The following UNC13C variants were observed in gnomAD, a reference collection of about 807,000 sequenced individuals.
UNC13C encodes protein unc-13 homolog C.
Under a neutral mutation model 245.4 loss-of-function variants are expected in UNC13C, and 174 were observed. That is an observed-to-expected ratio of 0.71 (90% confidence interval 0.63 to 0.80). The LOEUF (loss-of-function observed/expected upper bound fraction) is 0.80, where lower values mean the gene tolerates loss of function less well. UNC13C is among the 30% of genes least tolerant of loss of function. The pLI, the probability that UNC13C is intolerant of heterozygous loss-of-function variation, is 0.00. For synonymous variants in UNC13C, 992 were observed against 895.1 expected (o/e 1.11, Z -1.93); for missense variants, 2,829 against 2,602.9 (o/e 1.09, Z -1.89).
chr15:53,843,594 A>C, the UNC13C span, among the ~76,000 whole-genome samples: 1 of 152,052 alleles, frequency 6.6e-6, no homozygotes, highest in Non-Finnish European at 1.5e-5. Flanking sequence ...GGGTGAGAAA[A>C]GGACCAAGGC....
intron 30 of UNC13C, among the ~76,000 whole-genome samples, chr15:54,596,153 C>T (rs1899070101): frequency 6.6e-6 from 1 of 152,124 alleles, no homozygotes; most frequent in Admixed American, 6.6e-5. Flanking sequence ...GAGGTTCAAA[C>T]CAGAAATGTG....
Position 54,015,142 on chromosome 15 carries a change from A to G in UNC13C, c.2239A>G (p.Asn747Asp). 6.2e-7 allele frequency: 1 copy of G among 1,612,418 alleles called. No individual in the cohort carries two copies. Among genetic ancestry groups the G allele is most frequent in the Non-Finnish European group, 8.5e-7 (1 of 1,179,196 alleles). ...TGATTCTTATCAGGGAGCTAATTCT[A>G]ATGAGCTATACCAAAATCAAAACCA... is the stretch of plus-strand genomic sequence containing the variant. ...QYDSYQGANS[N>D]ELYQNQNQLS... Residue 747 changes from asparagine (N) to aspartate (D), a missense_variant, in exon 2 of 33, where the codon AAT becomes GAT. Coordinates refer to ENST00000260323, the MANE Select transcript of UNC13C (RefSeq NM_001080534.3).
the UNC13C span, among the ~76,000 whole-genome samples, chr15:53,923,594 C>T: frequency 6.6e-6 from 1 of 152,200 alleles, no homozygotes; most frequent in Non-Finnish European, 1.5e-5. Flanking sequence ...TCAATATTAG[C>T]TGTCTCTACA....
chr15:54,544,529 A>G (rs1270786745), intron 26 of UNC13C, among the ~76,000 whole-genome samples: 1 of 152,208 alleles, frequency 6.6e-6, no homozygotes, highest in Non-Finnish European at 1.5e-5. Flanking sequence ...AGATGACATG[A>G]TTGTATATTT....
At chr15:54,513,911 C>T (rs556648160) in intron 24 of UNC13C, among the ~76,000 whole-genome samples, 1 of 151,846 alleles carries the variant, frequency 6.6e-6, no homozygotes, top group East Asian at 1.9e-4. Context: ...TTACTGTGTT[C>T]CATTTTCAGC....
intron 4 of UNC13C, among the ~76,000 whole-genome samples, chr15:54,181,323 A>G (rs2033790151): frequency 2.0e-5 from 3 of 151,800 alleles, no homozygotes; most frequent in Non-Finnish European, 4.4e-5. Flanking sequence ...GTGCTGCTTT[A>G]TTTCTGGGTT....
intron 10 of UNC13C, among the ~76,000 whole-genome samples, chr15:54,274,006 T>C (rs544780933): frequency 6.6e-6 from 1 of 152,284 alleles, no homozygotes; most frequent in African/African-American, 2.4e-5. Flanking sequence ...TATTTAAGTG[T>C]GAGGTACTCT....
At chr15:53,837,640 A>AT in the UNC13C span, 3 of 152,192 alleles carry the variant, frequency 2.0e-5, no homozygotes, top group African/African-American at 7.2e-5. Flanking sequence ...CACAGCCAGC[A>AT]TTAGGAGGCA....
At chr15:54,241,576 C>T (rs921684560) in intron 7 of UNC13C, among the ~76,000 whole-genome samples, 6 of 152,166 alleles carry the variant, frequency 3.9e-5, no homozygotes, top group African/African-American at 1.4e-4. Context: ...TGTTTCTTCT[C>T]AATATTCTTC....
At chr15:54,082,804 G>A (rs902200534) in intron 2 of UNC13C, among the ~76,000 whole-genome samples, 3 of 151,980 alleles carry the variant, frequency 2.0e-5, no homozygotes, top group African/African-American at 4.8e-5. Context: ...ATAATCATCC[G>A]GTTTTGTTTC....
At chr15:54,131,309 T>G (rs1864860311) in intron 2 of UNC13C, among the ~76,000 whole-genome samples, 1 of 152,182 alleles carries the variant, frequency 6.6e-6, no homozygotes, top group African/African-American at 2.4e-5. Flanking sequence ...TTTGATTGTG[T>G]TATATGTCAT....
At chr15:54,225,251 C>A (rs1174254059) in intron 4 of UNC13C, among the ~76,000 whole-genome samples, 1 of 151,888 alleles carries the variant, frequency 6.6e-6, no homozygotes, top group East Asian at 1.9e-4. Context: ...CATGATGCCT[C>A]CAGCTTTGTT....
At chr15:54,087,930 T>C (rs78847454) in intron 2 of UNC13C, among the ~76,000 whole-genome samples, 2,607 of 152,260 alleles carry the variant, frequency 0.017, 41 homozygotes, top group Middle Eastern at 0.031. Context: ...AGGCAACTTT[T>C]GCTATTGTTT....
chr15:53,990,453 T>C (rs751770756), intron 1 of UNC13C, among the ~76,000 whole-genome samples: 5 of 152,072 alleles, frequency 3.3e-5, no homozygotes, highest in Non-Finnish European at 2.9e-5. Flanking sequence ...CTAGCTTCAA[T>C]TGACCTATTT....
intron 10 of UNC13C, among the ~76,000 whole-genome samples, chr15:54,277,631 C>T (rs139690672): frequency 3.6e-4 from 55 of 152,224 alleles, no homozygotes; most frequent in African/African-American, 8.9e-4. Context: ...TTAACTTTAT[C>T]TTTTTAATAT....
At chr15:54,333,710 T>C in intron 15 of UNC13C, 57 bp from the exon 16 acceptor site, 1 of 1,142,388 alleles carries the variant, frequency 8.8e-7, no homozygotes, top group Non-Finnish European at 1.3e-6. Context: ...TTAGTTTATT[T>C]TCCCACTAGA....
At chr15:53,905,695 C>T in the UNC13C span, among the ~76,000 whole-genome samples, 1 of 151,950 alleles carries the variant, frequency 6.6e-6, no homozygotes, top group Admixed American at 6.6e-5. Context: ...TTCTGGAGCT[C>T]TAATGTCCAG....
chr15:54,035,356 AT>A lies in UNC13C; in HGVS notation c.2983+19479del, dbSNP rs147514378. On this transcript the variant is annotated intron_variant, in intron 2 of 32. Coordinates refer to ENST00000260323, the MANE Select transcript of UNC13C (RefSeq NM_001080534.3). ...TCCCTTTATATCTTCCTATGTTTTT[AT>A]TTTTTTTTGTTCTTTCTAAACATCA... is the stretch of plus-strand genomic sequence containing the variant. 1.4e-3 allele frequency among the ~76,000 whole-genome samples: 205 copies of A among 151,250 alleles called. 1 individual carries two copies. The East Asian group carries it at 0.016, about 12-fold the overall frequency.
chr15:54,486,250 A>AACACACACACACACAC (rs59221050), intron 19 of UNC13C, among the ~76,000 whole-genome samples: 3,997 of 131,966 alleles, frequency 0.03, 86 homozygotes, highest in Non-Finnish European at 0.039. Flanking sequence ...GATCTATTAA[A>AACACACACACACACAC]ACACACACAC....
Sources: gnomAD v4.1 joint callset for allele counts (sites outside exome capture counted in the v4.1 genomes callset) on GRCh38, gnomAD v4.1.1 for gene constraint, MANE v1.5 for transcripts, NCBI Gene and HGNC (gene_info 2026-07-23, HGNC 2026-07-21) for gene names.